TCF4: variants seen among roughly 807,000 people sequenced by gnomAD.
The protein encoded by TCF4 is SL3-3 enhancer factor 2.
Under a neutral mutation model 82.1 loss-of-function variants are expected in TCF4, and 3 were observed. The observed-to-expected ratio is 0.04, with a 90% confidence interval of 0.02 to 0.09. The LOEUF is 0.09. TCF4 is among the 10% of genes least tolerant of loss of function. TCF4 has a pLI of 1.00. For synonymous variants in TCF4, 276 were observed against 309.6 expected (o/e 0.89, Z 1.14); for missense variants, 518 against 852.7 (o/e 0.61, Z 4.89).
chr18:55,448,115 T>C (rs967765389), intron 5 of TCF4, among the ~76,000 whole-genome samples: 1 of 152,292 alleles, frequency 6.6e-6, no homozygotes, highest in Admixed American at 6.5e-5. Flanking sequence ...CCATACAAAA[T>C]ACTATTGTCT....
intron 2 of TCF4, 189 bp from the exon 3 acceptor site, chr18:55,585,541 A>T: frequency 1.5e-6 from 1 of 662,924 alleles, no homozygotes; most frequent in Non-Finnish European, 2.5e-6. Flanking sequence ...AGCCCCCATT[A>T]TCACTCTGTT....
chr18:55,285,205 G>T (rs1454539472), intron 8 of TCF4, among the ~76,000 whole-genome samples: 1 of 152,148 alleles, frequency 6.6e-6, no homozygotes, highest in African/African-American at 2.4e-5. Context: ...CACAGATTTG[G>T]CAGATTACTA....
chr18:55,408,587 T>C (rs1294968482), intron 5 of TCF4, among the ~76,000 whole-genome samples: 1 of 152,242 alleles, frequency 6.6e-6, no homozygotes, highest in Non-Finnish European at 1.5e-5. Context: ...AGCTGTGTCC[T>C]TATCATGTAT....
At chr18:55,295,552 A>G (rs138895407) in intron 8 of TCF4, among the ~76,000 whole-genome samples, 1 of 152,220 alleles carries the variant, frequency 6.6e-6, no homozygotes, top group East Asian at 1.9e-4. Flanking sequence ...CTCTGACTCT[A>G]AGTTTTCCAG....
At chr18:55,409,926 G>A (rs1309377179) in intron 5 of TCF4, among the ~76,000 whole-genome samples, 1 of 152,172 alleles carries the variant, frequency 6.6e-6, no homozygotes, top group Non-Finnish European at 1.5e-5. Context: ...TTTCAGAGAA[G>A]AGTACTGGTT....
chr18:55,628,952 A>G lies in TCF4; in HGVS notation c.286+2346T>C, dbSNP rs549999303. Among the ~76,000 whole-genome samples the G allele has an allele frequency of 4.9e-4, 75 of 152,348 alleles. 1 individual carries two copies. Among genetic ancestry groups the G allele is most frequent in the African/African-American group, 1.7e-3 (71 of 41,578 alleles). On this transcript the variant is annotated intron_variant, in intron 2 of 20. Transcript: ENST00000398339. ...ATAGACATAAGTCGACAGACTTCAA[A>G]AGAATTGAGAACACAATTGTTGCTA...
chr18:55,476,948 T>C (rs1244412694), intron 3 of TCF4, among the ~76,000 whole-genome samples: 1 of 152,198 alleles, frequency 6.6e-6, no homozygotes, highest in Non-Finnish European at 1.5e-5. Flanking sequence ...TGCCTGTGTG[T>C]GTAAAATCAG....
At chr18:55,249,196 G>A (rs1257490123) in intron 15 of TCF4, among the ~76,000 whole-genome samples, 1 of 152,066 alleles carries the variant, frequency 6.6e-6, no homozygotes, top group African/African-American at 2.4e-5. Context: ...AACTATACAA[G>A]GAAAACTAAC....
At chr18:55,530,571 A>G (rs1177296964) in intron 3 of TCF4, among the ~76,000 whole-genome samples, 58 of 119,436 alleles carry the variant, frequency 4.9e-4, no homozygotes, top group South Asian at 3.1e-3. Flanking sequence ...AGGGGGGGGG[A>G]AACAGCTAAG....
chr18:55,377,246 G>A (rs1335150502), intron 6 of TCF4, among the ~76,000 whole-genome samples: 1 of 152,168 alleles, frequency 6.6e-6, no homozygotes, highest in African/African-American at 2.4e-5. Flanking sequence ...CTGGTGGGAT[G>A]GCTTGAGCCC....
At chr18:55,368,957 AG>A (rs1411701413) in intron 6 of TCF4, among the ~76,000 whole-genome samples, 21 of 152,174 alleles carry the variant, frequency 1.4e-4, no homozygotes, top group Admixed American at 1.2e-3. Flanking sequence ...AAAACAAAGG[AG>A]GGGGCTTATT....
chr18:55,351,071 T>G, intron 6 of TCF4, 68 bp from the exon 7 acceptor site: 1 of 1,593,290 alleles, frequency 6.3e-7, no homozygotes, highest in Admixed American at 1.7e-5. Flanking sequence ...TCCCAACTGA[T>G]TGTTAGTACT....
intron 11 of TCF4, among the ~76,000 whole-genome samples, chr18:55,262,642 T>C (rs1365820989): frequency 6.6e-6 from 1 of 152,176 alleles, no homozygotes; most frequent in Admixed American, 6.6e-5. Context: ...TACAAATGTG[T>C]TGTCATCACC....
chr18:55,456,802 A>G (rs2095765159), intron 5 of TCF4, among the ~76,000 whole-genome samples: 1 of 152,204 alleles, frequency 6.6e-6, no homozygotes, highest in African/African-American at 2.4e-5. Context: ...CAGAGGAATT[A>G]GACTCATCGA....
intron 5 of TCF4, among the ~76,000 whole-genome samples, chr18:55,408,583 G>C (rs1217105325): frequency 6.6e-6 from 1 of 152,130 alleles, no homozygotes; most frequent in African/African-American, 2.4e-5. Context: ...GAATAGCTGT[G>C]TCCTTATCAT....
At chr18:55,534,935 T>C (rs2097102111) in intron 3 of TCF4, among the ~76,000 whole-genome samples, 1 of 152,234 alleles carries the variant, frequency 6.6e-6, no homozygotes, top group South Asian at 2.1e-4. Flanking sequence ...GCACCTACTA[T>C]GTGTCCAATC....
chr18:55,471,167 AG>A (rs1247100930), intron 3 of TCF4, among the ~76,000 whole-genome samples: 1 of 152,214 alleles, frequency 6.6e-6, no homozygotes, highest in Non-Finnish European at 1.5e-5. Flanking sequence ...CTCTAAGTAG[AG>A]TAATTTGAAG....
chr18:55,306,066 A>T (rs887326346), intron 8 of TCF4, among the ~76,000 whole-genome samples: 1 of 152,148 alleles, frequency 6.6e-6, no homozygotes, highest in African/African-American at 2.4e-5. Context: ...TAGACTTTGC[A>T]AGGGAGGGTG....
upstream of TCF4, among the ~76,000 whole-genome samples, chr18:55,592,290 A>T (rs1015114520): frequency 2.0e-5 from 3 of 152,184 alleles, no homozygotes; most frequent in African/African-American, 7.2e-5. Flanking sequence ...CTTCAACAGC[A>T]GACATTTGTT....
Sources: gnomAD v4.1 joint callset for allele counts (sites outside exome capture counted in the v4.1 genomes callset) on GRCh38, gnomAD v4.1.1 for gene constraint, MANE v1.5 for transcripts, NCBI Gene and HGNC (gene_info 2026-07-23, HGNC 2026-07-21) for gene names.